WWOX: variants seen among roughly 807,000 people sequenced by gnomAD.
The protein encoded by WWOX is WW domain-containing oxidoreductase.
A neutral mutation model predicts 46.2 loss-of-function variants in WWOX; 69 were observed. The ratio of observed to expected loss-of-function variants is 1.49; its 90% CI spans 1.23 to 1.82. The LOEUF (loss-of-function observed/expected upper bound fraction) is 1.82. Ranked by LOEUF, WWOX falls within the 40% of genes most tolerant of loss-of-function variation. The pLI is 0.00. For synonymous variants in WWOX, 359 were observed against 202.6 expected, an observed-to-expected ratio of 1.77 and a Z score of -6.56; for missense variants, 919 against 542.6, an observed-to-expected ratio of 1.69 and a Z score of -6.89.
intron 8 of WWOX, among the ~76,000 whole-genome samples, chr16:78,884,832 C>CA (rs1340071127): frequency 1.3e-5 from 2 of 152,076 alleles, no homozygotes; most frequent in Non-Finnish European, 2.9e-5. Context: ...AGTTCATGGA[C>CA]AAATACAAAA....
At position 78,160,441 on chromosome 16, in the gene WWOX, T is replaced by C. The variant is rs553611088; in HGVS notation, c.410-3742T>C. On this transcript the variant is annotated intron_variant, in intron 4 of 8. Transcript: ENST00000566780. ...TGCCTGGTCTTCTTTTTAATATATG[T>C]AGTTAAGGCTATAGATTTTCTTTTA... Among the ~76,000 whole-genome samples, 10 of 152,352 alleles carry C rather than the reference T, an allele frequency of 6.6e-5. 1 individual carries two copies. Among genetic ancestry groups the C allele is most frequent in the African/African-American group, 2.4e-4 (10 of 41,594 alleles).
Position 78,778,822 on chromosome 16 carries a change from G to A in WWOX, c.1056+346070G>A, listed in dbSNP as rs182450371. Among the ~76,000 whole-genome samples, 14 of 152,196 alleles carry A rather than the reference G, an allele frequency of 9.2e-5. No individual in the cohort carries two copies. In the East Asian group the frequency reaches 9.7e-4, roughly 11 times the overall value. On this transcript the variant is annotated intron_variant, in intron 8 of 8. Coordinates refer to ENST00000566780, the MANE Select transcript of WWOX (RefSeq NM_016373.4). ...TTTTCATGGAAAGGGAACTGTGTTC[G>A]CCAGCTCGTAAAGCCCCGGCGTCTC...
At chr16:78,471,397 A>C (rs1482243679) in intron 8 of WWOX, among the ~76,000 whole-genome samples, 2 of 152,180 alleles carry the variant, frequency 1.3e-5, no homozygotes, top group African/African-American at 4.8e-5. Context: ...ACAAATGCTA[A>C]TTAAGTTTTG....
At chr16:78,241,324 C>G (rs558250591) in intron 5 of WWOX, 1 of 152,504 alleles carries the variant, frequency 6.6e-6, no homozygotes, top group African/African-American at 2.4e-5. Flanking sequence ...TTCTCTCCCT[C>G]CTTGGTCTGC....
At chr16:79,039,381 C>A (rs544822191) in intron 8 of WWOX, among the ~76,000 whole-genome samples, 1 of 152,170 alleles carries the variant, frequency 6.6e-6, no homozygotes, top group South Asian at 2.1e-4. Context: ...AGGCCGAAAA[C>A]GACCCCCTTC....
chr16:79,206,563 A>AT (rs1336731776), intron 8 of WWOX: 1 of 152,184 alleles, frequency 6.6e-6, no homozygotes, highest in Admixed American at 6.5e-5. Context: ...ACCTCTCAAT[A>AT]AATGCTAGTC....
chr16:78,660,956 G>C lies in WWOX; in HGVS notation c.1056+228204G>C, dbSNP rs541540078. Reference sequence around the variant, plus strand: ...ATGACGGATAATATGCCATCACATGGTGTCATTTAATATATTCATTCCTAT... The same window carrying C: ...ATGACGGATAATATGCCATCACATGCTGTCATTTAATATATTCATTCCTAT... On this transcript the variant is annotated intron_variant, in intron 8 of 8. Transcript: ENST00000566780. 4.6e-5 allele frequency among the ~76,000 whole-genome samples: 7 copies of C among 152,224 alleles called. No individual in the cohort carries two copies. The South Asian group carries it at 1.5e-3, about 32-fold the overall frequency.
intron 5 of WWOX, among the ~76,000 whole-genome samples, chr16:78,253,951 G>T (rs1300923823): frequency 6.6e-6 from 1 of 152,172 alleles, no homozygotes; most frequent in East Asian, 1.9e-4. Flanking sequence ...TACAAATTGA[G>T]TGCAACCGGG....
At chr16:78,387,074 T>G in intron 6 of WWOX, 126 bp downstream of exon 6, 1 of 902,644 alleles carries the variant, frequency 1.1e-6, no homozygotes, top group Non-Finnish European at 1.8e-6. Context: ...GAGGCTCATT[T>G]ATATTGGCCC....
chr16:78,119,736 G>A (rs1447534001), intron 4 of WWOX, among the ~76,000 whole-genome samples: 1 of 151,908 alleles, frequency 6.6e-6, no homozygotes, highest in South Asian at 2.1e-4. Flanking sequence ...AAAGTACTGA[G>A]ATTACTGGTG....
At chr16:78,979,017 A>G (rs1339075729) in intron 8 of WWOX, among the ~76,000 whole-genome samples, 2 of 150,690 alleles carry the variant, frequency 1.3e-5, no homozygotes, top group African/African-American at 2.4e-5. Context: ...ACCAGCATCG[A>G]CCTTCATCAG....
At chr16:78,409,705 A>C (rs908821582) in intron 6 of WWOX, among the ~76,000 whole-genome samples, 3 of 152,198 alleles carry the variant, frequency 2.0e-5, no homozygotes, top group Non-Finnish European at 2.9e-5. Context: ...TTGGGCTAAA[A>C]TTAAGGTGTC....
At chr16:78,986,620 C>G (rs551962608) in intron 8 of WWOX, among the ~76,000 whole-genome samples, 14 of 152,306 alleles carry the variant, frequency 9.2e-5, no homozygotes, top group African/African-American at 3.1e-4. Flanking sequence ...GCGGACATCA[C>G]TCATTCATCA....
intron 8 of WWOX, among the ~76,000 whole-genome samples, chr16:78,875,544 T>C (rs2044218045): frequency 6.6e-6 from 1 of 152,242 alleles, no homozygotes; most frequent in South Asian, 2.1e-4. Flanking sequence ...CTGTCTGTTC[T>C]TGGCTATATG....
chr16:78,630,357 T>C (rs1219096652), intron 8 of WWOX, among the ~76,000 whole-genome samples: 4 of 152,150 alleles, frequency 2.6e-5, no homozygotes, highest in African/African-American at 7.2e-5. Context: ...CAGATAAAGA[T>C]GGCTCACTCT....
At chr16:78,754,402 C>G (rs939596563) in intron 8 of WWOX, among the ~76,000 whole-genome samples, 1 of 152,116 alleles carries the variant, frequency 6.6e-6, no homozygotes, top group Admixed American at 6.5e-5. Flanking sequence ...ATGACTAGGT[C>G]ATTATGAATT....
chr16:78,857,624 A>T (rs1271137601), intron 8 of WWOX, among the ~76,000 whole-genome samples: 1 of 152,206 alleles, frequency 6.6e-6, no homozygotes, highest in Non-Finnish European at 1.5e-5. Context: ...ATCTAGCCTA[A>T]CATTGACTAT....
chr16:78,328,427 A>G (rs1358746571), intron 5 of WWOX, among the ~76,000 whole-genome samples: 2 of 152,236 alleles, frequency 1.3e-5, no homozygotes, highest in African/African-American at 4.8e-5. Context: ...ATGAAGAATC[A>G]TAGATTTTTA....
chr16:78,104,105 T>C (rs1403111011), intron 1 of WWOX, among the ~76,000 whole-genome samples: 1 of 152,056 alleles, frequency 6.6e-6, no homozygotes, highest in Non-Finnish European at 1.5e-5. Context: ...TTGTTTGCCC[T>C]TCCCCGTGCC....
Sources: gnomAD v4.1 joint callset for allele counts (sites outside exome capture counted in the v4.1 genomes callset) on GRCh38, gnomAD v4.1.1 for gene constraint, MANE v1.5 for transcripts, NCBI Gene and HGNC (gene_info 2026-07-23, HGNC 2026-07-21) for gene names.